The following REEP1 variants were observed in gnomAD, a reference collection of about 807,000 sequenced individuals.
The protein encoded by REEP1 is receptor expression-enhancing protein 1.
In REEP1, 22 loss-of-function variants were observed where a neutral mutation model predicts 40.3. The observed-to-expected ratio is 0.55, with a 90% CI of 0.39 to 0.78. The LOEUF is 0.78. REEP1 is among the 30% of genes least tolerant of loss of function. The probability of loss-of-function intolerance (pLI) is 0.00; values close to 1 mark genes in which losing one functional copy is unlikely to be tolerated. For missense variants in REEP1, 280 were observed against 361.1 expected (o/e 0.78, Z 1.82); for synonymous variants, 116 against 139.2 (o/e 0.83, Z 1.17).
intron 7 of REEP1, among the ~76,000 whole-genome samples, chr2:86,220,420 T>C (rs1174469839): frequency 6.6e-6 from 1 of 152,128 alleles, no homozygotes; most frequent in East Asian, 1.9e-4. Context: ...ATCACTTCCC[T>C]GGGTGAAGAA....
At chr2:86,306,193 C>T (rs1171206294) in intron 1 of REEP1, among the ~76,000 whole-genome samples, 1 of 152,056 alleles carries the variant, frequency 6.6e-6, no homozygotes, top group South Asian at 2.1e-4. Flanking sequence ...CAATCCAGCC[C>T]ATACCTGCTG....
intron 7 of REEP1, among the ~76,000 whole-genome samples, chr2:86,224,562 A>C (rs1236347909): frequency 6.6e-6 from 1 of 152,216 alleles, no homozygotes; most frequent in Non-Finnish European, 1.5e-5. Context: ...GAGCCAGGGC[A>C]CAGGTATTAA....
chr2:86,287,219 C>T (rs1045401184), intron 1 of REEP1, among the ~76,000 whole-genome samples: 7 of 152,122 alleles, frequency 4.6e-5, no homozygotes, highest in Non-Finnish European at 1.0e-4. Flanking sequence ...TCCTGAGTAG[C>T]TGGGATTACA....
chr2:86,234,308 A>G (rs1675178982), intron 5 of REEP1, among the ~76,000 whole-genome samples: 1 of 152,128 alleles, frequency 6.6e-6, no homozygotes, highest in African/African-American at 2.4e-5. Flanking sequence ...GCTTGAGTCC[A>G]GGAGTTCGAG....
Position 86,255,998 on chromosome 2 carries a change from T to G in REEP1, c.183-1184A>C, listed in dbSNP as rs567115572. Among the ~76,000 whole-genome samples, 7 of 152,284 alleles carry G rather than the reference T, an allele frequency of 4.6e-5. No individual in the cohort carries two copies. In the South Asian group the frequency reaches 1.2e-3, roughly 27 times the overall value. On this transcript the variant is annotated intron_variant, in intron 3 of 8. Coordinates refer to ENST00000538924, the MANE Select transcript of REEP1 (RefSeq NM_001371279.1). Reference sequence around the variant, plus strand: ...CTGTATTCTGATGTACTTTGGGGCCTTGCTTACTCTGGAGGAACTGCCCCT... The same window carrying G: ...CTGTATTCTGATGTACTTTGGGGCCGTGCTTACTCTGGAGGAACTGCCCCT...
chr2:86,304,994 G>C (rs1679417846), intron 1 of REEP1, among the ~76,000 whole-genome samples: 1 of 152,112 alleles, frequency 6.6e-6, no homozygotes, highest in Non-Finnish European at 1.5e-5. Flanking sequence ...AAGACAGACA[G>C]GCAGACAGGC....
At chr2:86,218,697 G>A (rs574986439) in intron 8 of REEP1, among the ~76,000 whole-genome samples, 2 of 152,340 alleles carry the variant, frequency 1.3e-5, no homozygotes, top group East Asian at 3.9e-4. Flanking sequence ...AGATTGCCCA[G>A]GCCAGACTCC....
At chr2:86,266,482 G>A (rs555719256) in intron 2 of REEP1, among the ~76,000 whole-genome samples, 114 of 150,934 alleles carry the variant, frequency 7.6e-4, no homozygotes, top group African/African-American at 1.4e-3. Context: ...AGCCGGGCGC[G>A]GTGGCCGGCG....
intron 1 of REEP1, among the ~76,000 whole-genome samples, chr2:86,299,666 C>T (rs920673898): frequency 6.6e-6 from 1 of 152,174 alleles, no homozygotes; most frequent in Non-Finnish European, 1.5e-5. Flanking sequence ...TCATCTTATA[C>T]AAGCCACAAC....
At chr2:86,230,143 G>A (rs921742258) in intron 6 of REEP1, among the ~76,000 whole-genome samples, 1 of 152,232 alleles carries the variant, frequency 6.6e-6, no homozygotes, top group African/African-American at 2.4e-5. Flanking sequence ...CTGGGGCATG[G>A]CAGGGGACGT....
chr2:86,331,104 T>C (rs573109252), intron 1 of REEP1, among the ~76,000 whole-genome samples: 1 of 152,324 alleles, frequency 6.6e-6, no homozygotes, highest in South Asian at 2.1e-4. Flanking sequence ...CCATTTATTT[T>C]TGCTTTGTTG....
At chr2:86,285,993 C>T (rs1207180739) in intron 1 of REEP1, among the ~76,000 whole-genome samples, 8 of 152,178 alleles carry the variant, frequency 5.3e-5, no homozygotes, top group South Asian at 2.1e-4. Context: ...TATCTCTGAA[C>T]GGAGCTTGCA....
Sources: allele counts gnomAD v4.1 joint callset (sites outside exome capture counted in the v4.1 genomes callset), GRCh38; gene constraint gnomAD v4.1.1; transcripts MANE v1.5; gene names NCBI Gene and HGNC (gene_info 2026-07-23, HGNC 2026-07-21).